The following DSCAM variants were observed in gnomAD, a reference collection of about 807,000 sequenced individuals.
DSCAM encodes DS cell adhesion molecule.
In DSCAM, 47 loss-of-function variants were observed where a neutral mutation model predicts 217.7. That is an observed-to-expected ratio of 0.22 (90% CI 0.17 to 0.28). The LOEUF (loss-of-function observed/expected upper bound fraction) is 0.28. Among genes scored for constraint, DSCAM ranks in the 10% least tolerant of loss-of-function variants. The pLI, the probability that DSCAM is intolerant of heterozygous loss-of-function variation, is 1.00. For synonymous variants in DSCAM, 1,056 were observed against 1,015.3 expected (o/e 1.04, Z -0.76); for missense variants, 2,080 against 2,618.3 (o/e 0.79, Z 4.49).
At chr21:40,431,579 G>A (rs1196705754) in intron 3 of DSCAM, among the ~76,000 whole-genome samples, 1 of 152,166 alleles carries the variant, frequency 6.6e-6, no homozygotes, top group East Asian at 1.9e-4. Context: ...TCCACCTAAT[G>A]AATAGTAAGC....
intron 1 of DSCAM, among the ~76,000 whole-genome samples, chr21:40,793,393 A>G (rs2091664035): frequency 6.6e-6 from 1 of 152,202 alleles, no homozygotes; most frequent in African/African-American, 2.4e-5. Flanking sequence ...GCAACTTTCC[A>G]GGATACTCTT....
At chr21:40,773,040 T>G (rs993729947) in intron 1 of DSCAM, among the ~76,000 whole-genome samples, 1 of 152,222 alleles carries the variant, frequency 6.6e-6, no homozygotes, top group Non-Finnish European at 1.5e-5. Flanking sequence ...TGCAGGGCGC[T>G]CTGTGCGCCA....
At chr21:40,545,128 C>T (rs1369846793) in intron 3 of DSCAM, among the ~76,000 whole-genome samples, 1 of 152,138 alleles carries the variant, frequency 6.6e-6, no homozygotes, top group East Asian at 1.9e-4. Context: ...TGTGTTCTGT[C>T]CTTCTGCTCT....
At chr21:40,411,173 TATACACACAC>T (rs1158351180) in intron 3 of DSCAM, among the ~76,000 whole-genome samples, 6,705 of 134,762 alleles carry the variant, frequency 0.05, 216 homozygotes, top group Non-Finnish European at 0.054. Context: ...ACAGTAATTA[TATACACACAC>T]ACACACACAC....
At chr21:40,647,352 A>G (rs1412950193) in intron 3 of DSCAM, among the ~76,000 whole-genome samples, 1 of 152,238 alleles carries the variant, frequency 6.6e-6, no homozygotes, top group Non-Finnish European at 1.5e-5. Flanking sequence ...TTTCCATCAG[A>G]TATAGTTGAG....
chr21:40,581,887 G>A (rs1044732410), intron 3 of DSCAM, among the ~76,000 whole-genome samples: 9 of 151,934 alleles, frequency 5.9e-5, no homozygotes, highest in Admixed American at 1.3e-4. Flanking sequence ...ACAAAGTAAC[G>A]CAATCAAACA....
chr21:40,326,414 T>A (rs936756670), intron 8 of DSCAM, among the ~76,000 whole-genome samples: 3 of 152,174 alleles, frequency 2.0e-5, no homozygotes, highest in Non-Finnish European at 4.4e-5. Flanking sequence ...AATAGACACA[T>A]CAGTGTGTCC....
chr21:40,465,028 C>T (rs1285851639), intron 3 of DSCAM, among the ~76,000 whole-genome samples: 5 of 152,066 alleles, frequency 3.3e-5, no homozygotes, highest in South Asian at 4.2e-4. Context: ...TGTGAGCCAC[C>T]GCATCTGGCC....
At chr21:40,350,944 A>G (rs1479378252) in intron 5 of DSCAM, among the ~76,000 whole-genome samples, 1 of 121,402 alleles carries the variant, frequency 8.2e-6, no homozygotes, top group Non-Finnish European at 1.6e-5. Flanking sequence ...GCTGGAGTGC[A>G]GTGGCACAAT....
At chr21:40,747,655 A>C (rs549607277) in intron 1 of DSCAM, among the ~76,000 whole-genome samples, 1 of 151,918 alleles carries the variant, frequency 6.6e-6, no homozygotes, top group Non-Finnish European at 1.5e-5. Context: ...AATCTTTCTC[A>C]CAAGAATTCT....
chr21:40,260,415 G>T (rs1255117843), intron 11 of DSCAM, among the ~76,000 whole-genome samples: 1 of 152,204 alleles, frequency 6.6e-6, no homozygotes, highest in Non-Finnish European at 1.5e-5. Context: ...AAGAGCAGAT[G>T]GTGGGTCACT....
At chr21:40,356,104 G>A (rs1049897660) in intron 4 of DSCAM, among the ~76,000 whole-genome samples, 14 of 151,978 alleles carry the variant, frequency 9.2e-5, no homozygotes, top group Non-Finnish European at 2.9e-5. Context: ...AATAAACATG[G>A]GAGTGCAGAT....
intron 3 of DSCAM, among the ~76,000 whole-genome samples, chr21:40,650,495 G>A (rs954395107): frequency 6.6e-6 from 1 of 152,252 alleles, no homozygotes; most frequent in East Asian, 1.9e-4. Flanking sequence ...GAGTAAAGAA[G>A]ATTGTCTTCA....
chr21:40,642,222 A>G (rs2089891377), intron 3 of DSCAM, among the ~76,000 whole-genome samples: 1 of 152,020 alleles, frequency 6.6e-6, no homozygotes, highest in African/African-American at 2.4e-5. Flanking sequence ...AGACTTCAAT[A>G]CTGGTGTTCC....
At chr21:40,592,985 T>C (rs529799180) in intron 3 of DSCAM, among the ~76,000 whole-genome samples, 3 of 152,322 alleles carry the variant, frequency 2.0e-5, no homozygotes, top group South Asian at 4.1e-4. Context: ...CAAAACAAAA[T>C]ACATTTGACG....
intron 3 of DSCAM, among the ~76,000 whole-genome samples, chr21:40,513,584 AG>A (rs2076277052): frequency 6.6e-6 from 1 of 152,128 alleles, no homozygotes; most frequent in African/African-American, 2.4e-5. Flanking sequence ...AGGAAGTGTC[AG>A]GCTCTCTTAA....
chr21:40,289,770 G>C (rs899189172), intron 10 of DSCAM, among the ~76,000 whole-genome samples: 1 of 152,114 alleles, frequency 6.6e-6, no homozygotes, highest in African/African-American at 2.4e-5. Context: ...TCATCCCCTG[G>C]GGGTCTTGGG....
intron 3 of DSCAM, among the ~76,000 whole-genome samples, chr21:40,539,030 G>A (rs2076522434): frequency 6.6e-6 from 1 of 152,080 alleles, no homozygotes; most frequent in Non-Finnish European, 1.5e-5. Context: ...AACAAAACTT[G>A]GGACTAGGAT....
At chr21:40,335,714 A>G (rs1180123585) in intron 8 of DSCAM, among the ~76,000 whole-genome samples, 2 of 152,184 alleles carry the variant, frequency 1.3e-5, no homozygotes, top group Admixed American at 1.3e-4. Flanking sequence ...ATAAACTAAA[A>G]TTTTAGCACT....
Sources: allele counts gnomAD v4.1 joint callset (sites outside exome capture counted in the v4.1 genomes callset), GRCh38; gene constraint gnomAD v4.1.1; transcripts MANE v1.5; gene names NCBI Gene and HGNC (gene_info 2026-07-23, HGNC 2026-07-21).